Variants in SEMA3D observed in about 807,000 individuals in gnomAD.
SEMA3D encodes semaphorin-3D.
A neutral mutation model predicts 100.1 loss-of-function variants in SEMA3D; 84 were observed. The observed-to-expected ratio is 0.84, with a 90% CI of 0.70 to 1.01. SEMA3D has a LOEUF of 1.01. SEMA3D is among the 50% of genes least tolerant of loss of function. The pLI is 0.00. For missense variants in SEMA3D, 875 were observed against 934.1 expected, an observed-to-expected ratio of 0.94 and a Z score of 0.82; for synonymous variants, 312 against 320.7, an observed-to-expected ratio of 0.97 and a Z score of 0.29.
intron 2 of SEMA3D, chr7:85,141,129 AT>A (rs1790038712): frequency 1.0e-6 from 1 of 984,216 alleles, no homozygotes. Context: ...TTTATAGGTG[AT>A]TTGTCCAATT....
intron 7 of SEMA3D, among the ~76,000 whole-genome samples, chr7:85,067,768 G>T (rs989284391): frequency 6.6e-6 from 1 of 152,118 alleles, no homozygotes; most frequent in Non-Finnish European, 1.5e-5. Flanking sequence ...AAAGGAAGAT[G>T]TTATAACATT....
intron 2 of SEMA3D, chr7:85,151,719 T>C (rs1459762981): frequency 3.1e-6 from 3 of 970,478 alleles, no homozygotes; most frequent in South Asian, 9.5e-5. Context: ...GTAGAGCTTT[T>C]TGTGGTAATA....
chr7:85,150,368 T>TTA lies in SEMA3D; in HGVS notation c.-41+3238_-41+3239dup, dbSNP rs1554348720. ...AGAAATATATATATATATATATATA[T>TTA]TATATATATATACACACACACATAT... On this transcript the variant is annotated intron_variant, in intron 2 of 18. Transcript: ENST00000284136. 1.0e-4 allele frequency among the ~76,000 whole-genome samples: 13 copies of TTA among 130,002 alleles called. 1 individual carries two copies. The highest frequency in any genetic ancestry group is 1.4e-4 in the African/African-American group (5 of 34,892). The allele number at this position is 130,002 out of a possible 152,430, so 85.3% of individuals were successfully genotyped here.
At chr7:85,065,385 A>C (rs1791586667) in intron 8 of SEMA3D, 39 bp downstream of exon 8, 3 of 1,599,156 alleles carry the variant, frequency 1.9e-6, no homozygotes, top group Admixed American at 1.7e-5. Flanking sequence ...CTTAAACCAA[A>C]GCAAGACAAT....
chr7:85,231,884 G>A, the SEMA3D span, among the ~76,000 whole-genome samples: 2 of 151,992 alleles, frequency 1.3e-5, no homozygotes, highest in African/African-American at 4.8e-5. Context: ...TACTGTTTTA[G>A]GCAGAGTAAA....
At chr7:85,214,100 T>G in the SEMA3D span, among the ~76,000 whole-genome samples, 1 of 152,142 alleles carries the variant, frequency 6.6e-6, no homozygotes, top group Non-Finnish European at 1.5e-5. Flanking sequence ...AACCTGATAT[T>G]GTGGTTTGGG....
intron 15 of SEMA3D, 82 bp from the exon 16 acceptor site, chr7:85,015,298 T>A (rs1790067574): frequency 7.6e-7 from 1 of 1,323,888 alleles, no homozygotes; most frequent in Non-Finnish European, 1.1e-6. Context: ...TATCACATAA[T>A]ACATATAAAT....
At chr7:85,149,842 G>A (rs1006046506) in intron 2 of SEMA3D, among the ~76,000 whole-genome samples, 9 of 152,146 alleles carry the variant, frequency 5.9e-5, no homozygotes, top group Admixed American at 5.9e-4. Context: ...CAGGAATGCT[G>A]TAAGATATTT....
the SEMA3D span, among the ~76,000 whole-genome samples, chr7:85,201,896 T>G: frequency 2.0e-5 from 3 of 151,828 alleles, no homozygotes; most frequent in Admixed American, 6.6e-5. Context: ...TAGCTAATAT[T>G]TTTTGTAGAG....
At chr7:85,015,795 A>G (rs1562783746) in intron 15 of SEMA3D, among the ~76,000 whole-genome samples, 2 of 151,820 alleles carry the variant, frequency 1.3e-5, no homozygotes, top group Non-Finnish European at 2.9e-5. Context: ...GCTGCATGAT[A>G]CTGAAAAACC....
intron 2 of SEMA3D, among the ~76,000 whole-genome samples, chr7:85,144,100 A>G (rs887853999): frequency 1.3e-5 from 2 of 152,170 alleles, no homozygotes; most frequent in Non-Finnish European, 2.9e-5. Flanking sequence ...AATCCAATAT[A>G]TAATCATTTT....
the SEMA3D span, among the ~76,000 whole-genome samples, chr7:85,226,477 T>C: frequency 6.6e-6 from 1 of 152,182 alleles, no homozygotes; most frequent in South Asian, 2.1e-4. Flanking sequence ...GCCCCCTTTT[T>C]CACTTAAATA....
Position 85,006,978 on chromosome 7 carries a change from C to A in SEMA3D, c.1769-37G>T, listed in dbSNP as rs767798532. On this transcript the variant is annotated intron_variant, in intron 17 of 18. Transcript: ENST00000284136. The stretch of plus-strand genomic sequence containing the variant: ...ACATGGAATAAGAGATTAACCTTGA[C>A]CTGATTTTAAAAGCAATGGGAAAAC... 2.1e-5 allele frequency: 33 copies of A among 1,564,916 alleles called. No homozygotes were observed. The East Asian group carries it at 7.1e-4, about 34-fold the overall frequency.
intron 2 of SEMA3D, among the ~76,000 whole-genome samples, chr7:85,152,082 T>C (rs908208474): frequency 1.3e-5 from 2 of 152,132 alleles, no homozygotes; most frequent in Admixed American, 1.3e-4. Flanking sequence ...ACCATTTATC[T>C]CTTCCTTGTC....
chr7:85,037,634 CT>C (rs1300506174), intron 11 of SEMA3D, among the ~76,000 whole-genome samples: 3 of 151,918 alleles, frequency 2.0e-5, no homozygotes, highest in Non-Finnish European at 4.4e-5. Context: ...TTGAAACAAT[CT>C]TTTTCTTTTT....
chr7:85,224,895 G>A, the SEMA3D span, among the ~76,000 whole-genome samples: 3 of 151,206 alleles, frequency 2.0e-5, no homozygotes, highest in Non-Finnish European at 4.4e-5. Context: ...ATTTATCCAA[G>A]AAGATTTTGT....
At chr7:85,103,392 C>T (rs1030253128) in intron 3 of SEMA3D, among the ~76,000 whole-genome samples, 1 of 151,966 alleles carries the variant, frequency 6.6e-6, no homozygotes, top group African/African-American at 2.4e-5. Context: ...CTTGGGCATG[C>T]GATTTTTGAG....
At position 85,065,486 on chromosome 7, in the gene SEMA3D, A is replaced by AG; in HGVS notation, c.655dup (p.Leu219ProfsTer6). The AG allele has an allele frequency of 6.2e-7, 1 of 1,613,002 alleles. No homozygotes were observed. Among genetic ancestry groups the AG allele is most frequent in the Non-Finnish European group, 8.5e-7 (1 of 1,179,116 alleles). ...GTAGTGGTGGTCATGAGTAGGCCCA[A>AG]GGGATCGAGTGAATGCAGTATCTTT... On this transcript the variant is annotated frameshift_variant, in exon 8 of 19. Transcript: ENST00000284136. LOFTEE classifies it high-confidence loss of function.
the SEMA3D span, among the ~76,000 whole-genome samples, chr7:85,215,881 C>G: frequency 3.3e-5 from 5 of 151,970 alleles, no homozygotes; most frequent in African/African-American, 4.8e-5. Flanking sequence ...AGATTACACT[C>G]AAACCTGAAA....
Sources: gnomAD v4.1 joint callset for allele counts (sites outside exome capture counted in the v4.1 genomes callset) on GRCh38, gnomAD v4.1.1 for gene constraint, MANE v1.5 for transcripts, NCBI Gene and HGNC (gene_info 2026-07-23, HGNC 2026-07-21) for gene names.